The following EXOC6B variants were observed in gnomAD, a reference collection of about 807,000 sequenced individuals.
EXOC6B encodes the protein SEC15 homolog B.
Under a neutral mutation model 113.5 loss-of-function variants are expected in EXOC6B, and 54 were observed. That is an observed-to-expected ratio of 0.48 (90% CI 0.38 to 0.60). The LOEUF (loss-of-function observed/expected upper bound fraction) is 0.60, where lower values mean the gene tolerates loss of function less well. EXOC6B is among the 20% of genes least tolerant of loss of function. The pLI is 0.00. For missense variants in EXOC6B, 797 were observed against 977.5 expected, an observed-to-expected ratio of 0.82 and a Z score of 2.46; for synonymous variants, 357 against 339.0, an observed-to-expected ratio of 1.05 and a Z score of -0.58.
At chr2:72,606,430 C>T (rs966712245) in intron 6 of EXOC6B, among the ~76,000 whole-genome samples, 10 of 151,868 alleles carry the variant, frequency 6.6e-5, no homozygotes, top group Admixed American at 4.6e-4. Context: ...TTAGTACAAA[C>T]TTCCATCCAT....
chr2:72,355,318 T>C (rs1689910968), intron 19 of EXOC6B, among the ~76,000 whole-genome samples: 1 of 151,790 alleles, frequency 6.6e-6, no homozygotes, highest in African/African-American at 2.4e-5. Flanking sequence ...GAAACACTAA[T>C]ACAGAATGAA....
chr2:72,365,343 A>T (rs754801749), intron 19 of EXOC6B, among the ~76,000 whole-genome samples: 4 of 152,186 alleles, frequency 2.6e-5, no homozygotes, highest in African/African-American at 4.8e-5. Context: ...AGTGTGAAAA[A>T]AAAATCCTGG....
chr2:72,458,782 G>A (rs113527397), intron 18 of EXOC6B, among the ~76,000 whole-genome samples: 42 of 152,188 alleles, frequency 2.8e-4, no homozygotes, highest in Admixed American at 8.5e-4. Flanking sequence ...CACCAGGTTT[G>A]ATCCACATTA....
At chr2:72,354,420 A>G (rs548937478) in intron 19 of EXOC6B, 2 of 152,298 alleles carry the variant, frequency 1.3e-5, no homozygotes, top group East Asian at 1.9e-4. Flanking sequence ...TGGCTTGACA[A>G]TGATGTATGT....
chr2:72,741,273 G>A (rs200564843), intron 2 of EXOC6B, 31 bp downstream of exon 2: 115 of 1,591,996 alleles, frequency 7.2e-5, no homozygotes, highest in Non-Finnish European at 9.5e-5. Flanking sequence ...AACACAGGAC[G>A]GAGAAACAGT....
At chr2:72,536,119 T>C (rs1390839425) in intron 8 of EXOC6B, among the ~76,000 whole-genome samples, 1 of 152,210 alleles carries the variant, frequency 6.6e-6, no homozygotes, top group African/African-American at 2.4e-5. Context: ...GATACATTGC[T>C]GATGCATGCA....
intron 20 of EXOC6B, among the ~76,000 whole-genome samples, chr2:72,196,576 A>C (rs1679181671): frequency 1.3e-5 from 2 of 152,356 alleles, no homozygotes; most frequent in South Asian, 4.1e-4. Context: ...CAATAGTTTC[A>C]GCAAAGAAGC....
chr2:72,741,536 A>G, intron 1 of EXOC6B, 67 bp from the exon 2 acceptor site: 2 of 1,456,558 alleles, frequency 1.4e-6, no homozygotes, highest in East Asian at 2.3e-5. Context: ...AAAATTATAA[A>G]TCCAGAAGCA....
intron 6 of EXOC6B, among the ~76,000 whole-genome samples, chr2:72,620,961 T>C (rs1183968461): frequency 2.6e-5 from 4 of 152,138 alleles, no homozygotes. Flanking sequence ...AGATACCATC[T>C]TATACCAGTC....
intron 18 of EXOC6B, among the ~76,000 whole-genome samples, chr2:72,414,070 G>A (rs1367529466): frequency 6.6e-6 from 1 of 152,176 alleles, no homozygotes; most frequent in Non-Finnish European, 1.5e-5. Flanking sequence ...GCATGTTACA[G>A]ATGCCAAATC....
At position 72,641,972 on chromosome 2, in the gene EXOC6B, C is replaced by A. The variant is rs113332362; in HGVS notation, c.670-66304G>T. On this transcript the variant is annotated intron_variant, in intron 6 of 21. Coordinates refer to ENST00000272427, the MANE Select transcript of EXOC6B (RefSeq NM_015189.3). The stretch of plus-strand genomic sequence containing the variant: ...GTCCGGAGTGGACCTCCAGCAAACT[C>A]TAACAAACCTGCAGCTGAGGGTCCT... 1.4e-4 allele frequency among the ~76,000 whole-genome samples: 22 copies of A among 152,338 alleles called. 2 individuals are homozygous for A. The highest frequency in any genetic ancestry group is 4.6e-4 in the African/African-American group (19 of 41,582).
chr2:72,565,376 C>G (rs1187914994), intron 7 of EXOC6B, among the ~76,000 whole-genome samples: 3 of 107,018 alleles, frequency 2.8e-5, no homozygotes, highest in Admixed American at 8.4e-5. Context: ...AAAAAAAAAG[C>G]TGAACACTGG....
At chr2:72,309,781 G>T (rs1687081811) in intron 20 of EXOC6B, among the ~76,000 whole-genome samples, 1 of 151,980 alleles carries the variant, frequency 6.6e-6, no homozygotes, top group Non-Finnish European at 1.5e-5. Context: ...AGCCTAAAAG[G>T]AAATCCATAC....
At chr2:72,338,822 G>C (rs1056849876) in intron 19 of EXOC6B, among the ~76,000 whole-genome samples, 2 of 151,618 alleles carry the variant, frequency 1.3e-5, no homozygotes, top group Non-Finnish European at 2.9e-5. Context: ...AGGTTATGAG[G>C]GTGTTTTTTT....
intron 6 of EXOC6B, among the ~76,000 whole-genome samples, chr2:72,646,074 GAA>G (rs1673686621): frequency 6.6e-6 from 1 of 151,684 alleles, no homozygotes; most frequent in Non-Finnish European, 1.5e-5. Flanking sequence ...AAAGAGAGAA[GAA>G]TCAAATAGAC....
At chr2:72,272,398 C>T (rs1012659981) in intron 20 of EXOC6B, among the ~76,000 whole-genome samples, 2 of 152,072 alleles carry the variant, frequency 1.3e-5, no homozygotes, top group Non-Finnish European at 2.9e-5. Context: ...TTCAGCAAAT[C>T]CTGTGATCAC....
At chr2:72,729,318 A>G (rs145525363) in intron 5 of EXOC6B, among the ~76,000 whole-genome samples, 1 of 151,288 alleles carries the variant, frequency 6.6e-6, no homozygotes, top group African/African-American at 2.4e-5. Context: ...TATGTTTTAT[A>G]TATATACTAT....
chr2:72,492,198 C>A, intron 16 of EXOC6B, 120 bp downstream of exon 16: 1 of 473,156 alleles, frequency 2.1e-6, no homozygotes. Context: ...TGCACTTTCA[C>A]CATTAGAAGC....
intron 18 of EXOC6B, among the ~76,000 whole-genome samples, chr2:72,438,076 A>G (rs1695982815): frequency 6.6e-6 from 1 of 152,182 alleles, no homozygotes; most frequent in Admixed American, 6.5e-5. Flanking sequence ...TGTTTATTGA[A>G]CTAAATTGAA....
Sources: allele counts gnomAD v4.1 joint callset (sites outside exome capture counted in the v4.1 genomes callset), GRCh38; gene constraint gnomAD v4.1.1; transcripts MANE v1.5; gene names NCBI Gene and HGNC (gene_info 2026-07-23, HGNC 2026-07-21).